The following ZNF626 variants were observed in gnomAD, a reference collection of about 807,000 sequenced individuals.
ZNF626 encodes CTC-513N18.7.
ZNF626 carries 4 observed loss-of-function variants against 11.7 expected under a neutral mutation model. That is an observed-to-expected ratio of 0.34 (90% CI 0.17 to 0.78). The LOEUF is 0.78. Among genes scored for constraint, ZNF626 ranks in the 30% least tolerant of loss-of-function variants. ZNF626 has a pLI of 0.57. For synonymous variants in ZNF626, 179 were observed against 198.6 expected, an observed-to-expected ratio of 0.90 and a Z score of 0.83; for missense variants, 588 against 587.1, an observed-to-expected ratio of 1.00 and a Z score of -0.01.
chr19:20,646,253 A>G, intron 2 of ZNF626, 26 bp downstream of exon 2: 9 of 1,603,404 alleles, frequency 5.6e-6, no homozygotes, highest in Non-Finnish European at 7.7e-6. Flanking sequence ...TCTATAGGGT[A>G]TATTATGTAC....
In ZNF626 at chr19:20,625,647, A is replaced by G. The variant is rs879994438; in HGVS notation, c.230T>C (p.Met77Thr). 3.3e-6 allele frequency: 5 copies of G among 1,529,614 alleles called. No individual in the cohort carries two copies. The Admixed American group carries it at 6.7e-5, about 21-fold the overall frequency. The allele number at this position is 1,529,614 out of a possible 1,614,324, so 94.8% of individuals were successfully genotyped here. The change falls in exon 4 of 4, where the codon ATG becomes ACG. Residue 77 changes from methionine (M) to threonine (T), a missense_variant. Met to Thr is a moderately conservative substitution (Grantham distance 81). Around this residue, in one of 4 missense-constraint regions of ZNF626, gnomAD observed 524 missense variants for 470.1 expected, o/e 1.11. Coordinates refer to ENST00000601440, the MANE Select transcript of ZNF626 (RefSeq NM_001076675.3). ...AAGGTCTTGGGCAAAATGAGAACAC[A>G]TTACTGAAAGAAACAATAAAAACAC... Reference protein sequence around the residue: ...RNEMIAKPSVMCSHFAQDLWP... With the variant: ...RNEMIAKPSVTCSHFAQDLWP...
At chr19:20,652,566 T>C (rs1383226813) in intron 1 of ZNF626, among the ~76,000 whole-genome samples, 2 of 152,236 alleles carry the variant, frequency 1.3e-5, no homozygotes, top group African/African-American at 2.4e-5. Context: ...TGGGATATAG[T>C]GTCCAATGTA....
chr19:20,654,944 C>G (rs1463658581), intron 1 of ZNF626, among the ~76,000 whole-genome samples: 3 of 151,790 alleles, frequency 2.0e-5, no homozygotes, highest in African/African-American at 4.8e-5. Flanking sequence ...TACCCCATCT[C>G]TACTATAAAT....
intron 1 of ZNF626, among the ~76,000 whole-genome samples, chr19:20,650,973 G>C (rs1444781880): frequency 6.6e-6 from 1 of 152,028 alleles, no homozygotes; most frequent in Non-Finnish European, 1.5e-5. Flanking sequence ...TGGATCACGA[G>C]GTCAGGAGTT....
Position 20,625,085 on chromosome 19 carries a change from T to A in ZNF626, c.792A>T (p.Lys264Asn). ...EKPYKCDKCG[K>N]AFMSSSTLSK... ...TAAGGGTTGAGGATGACATAAAGGC[T>A]TTGCCACATTTATCACACTTGTAGG... is the stretch of plus-strand genomic sequence containing the variant. Residue 264 changes from lysine (K) to asparagine (N), a missense_variant, in exon 4 of 4, where the codon AAA becomes AAT. By Grantham distance (94) the Lys-to-Asn change is moderately conservative. Around this residue, in one of 4 missense-constraint regions of ZNF626, gnomAD observed 524 missense variants for 470.1 expected, o/e 1.11. Coordinates refer to ENST00000601440, the MANE Select transcript of ZNF626 (RefSeq NM_001076675.3). 6.2e-7 allele frequency: 1 copy of A among 1,613,568 alleles called. No homozygotes were observed.
At chr19:20,626,921 C>T (rs1220526385) in intron 3 of ZNF626, among the ~76,000 whole-genome samples, 5 of 151,886 alleles carry the variant, frequency 3.3e-5, no homozygotes, top group East Asian at 1.9e-4. Context: ...AGACAGAGGC[C>T]GGAGAATTGC....
intron 1 of ZNF626, among the ~76,000 whole-genome samples, chr19:20,648,359 T>TTTC (rs137973666): frequency 4.1e-4 from 60 of 146,280 alleles, no homozygotes; most frequent in Middle Eastern, 3.4e-3. Flanking sequence ...AAATAAGCAT[T>TTTC]TTCTTCTTCT....
rs782764181 is a variant in ZNF626 at position 20,620,558 on chromosome 19, A to G, written c.*3732T>C. On this transcript the variant is annotated 3_prime_UTR_variant, in exon 4 of 4. Coordinates refer to ENST00000601440, the MANE Select transcript of ZNF626 (RefSeq NM_001076675.3). ...TAATTTTTCAGGACTCAGAAATGTA[A>G]TTTTTTTTCCTTTGAGGAGTCTCAT... The G allele has an allele frequency of 6.6e-6, 1 of 151,872 alleles. No individual in the cohort carries two copies. Among genetic ancestry groups the G allele is most frequent in the Non-Finnish European group, 1.5e-5 (1 of 67,956 alleles). 9.4% of individuals were successfully genotyped at this position (151,872 alleles called of 1,614,324 possible).
At chr19:20,626,096 A>G (rs577040466) in intron 3 of ZNF626, among the ~76,000 whole-genome samples, 227 of 74,332 alleles carry the variant, frequency 3.1e-3, no homozygotes, top group African/African-American at 7.3e-3. Flanking sequence ...TTCAATCTGT[A>G]CTAAAATTAC....
At chr19:20,654,966 G>C (rs1192535053) in intron 1 of ZNF626, among the ~76,000 whole-genome samples, 1 of 151,868 alleles carries the variant, frequency 6.6e-6, no homozygotes, top group Non-Finnish European at 1.5e-5. Flanking sequence ...CAAAAATTCA[G>C]CCAGGCATGG....
At chr19:20,660,492 T>A (rs1378918125) in intron 1 of ZNF626, among the ~76,000 whole-genome samples, 1 of 152,146 alleles carries the variant, frequency 6.6e-6, no homozygotes, top group Non-Finnish European at 1.5e-5. Context: ...GATGATTGGA[T>A]CTCAGCTCAC....
At chr19:20,627,832 G>A (rs9304970) in intron 3 of ZNF626, among the ~76,000 whole-genome samples, 68,281 of 151,880 alleles carry the variant, frequency 0.45, 16,626 homozygotes, top group African/African-American at 0.64. Flanking sequence ...ACAACGTGCA[G>A]GTTTGTTACA....
chr19:20,624,372 ATTCTCTCATGTGTAGTAAGG>A lies in ZNF626; in HGVS notation c.1485_1504del (p.Leu496HisfsTer95). 1.2e-5 allele frequency: 10 copies of A among 816,860 alleles called. 4 individuals are homozygous for A. Among genetic ancestry groups the A allele is most frequent in the South Asian group, 9.1e-5 (5 of 55,102 alleles). 50.6% of individuals were successfully genotyped at this position (816,860 alleles called of 1,614,324 possible). ...ATTTGTAGAATTTCTCTCCAGTATG[ATTCTCTCATGTGTAGTAAGG>A]ATTGAGGACTGGTTGAAGGCTTTGC... On this transcript the variant is annotated frameshift_variant, in exon 4 of 4. Coordinates refer to ENST00000601440, the MANE Select transcript of ZNF626 (RefSeq NM_001076675.3). LOFTEE classifies it low-confidence loss of function (END_TRUNC).
rs538506259 is a variant in ZNF626, at chr19:20,625,503, A to G, written c.374T>C (p.Val125Ala). The part of the protein sequence containing the change: ...KGCISVDECK[V>A]HKEGYNELNQ... ...AAGTTCATTATAACCTTCTTTGTGC[A>G]CCTTACACTCATCCACACTTATACA... Residue 125 changes from valine to alanine, a missense_variant, in exon 4 of 4, where the codon GTG (valine) becomes GCG (alanine). Transcript: ENST00000601440. The G allele has an allele frequency of 1.7e-5, 28 of 1,613,822 alleles. No homozygotes were observed. The highest frequency in any genetic ancestry group is 2.3e-5 in the Non-Finnish European group (27 of 1,179,960).
intron 3 of ZNF626, chr19:20,645,106 A>C: frequency 2.2e-6 from 1 of 453,956 alleles, no homozygotes. Context: ...ACAATTCAAA[A>C]ATTTACATGA....
intron 1 of ZNF626, among the ~76,000 whole-genome samples, chr19:20,657,834 AAAAG>A (rs1245300509): frequency 6.6e-6 from 1 of 152,134 alleles, no homozygotes; most frequent in African/African-American, 2.4e-5. Context: ...ACAAACAAAA[AAAAG>A]AAAATTAATG....
chr19:20,653,605 G>T (rs558974527), intron 1 of ZNF626, among the ~76,000 whole-genome samples: 18 of 148,968 alleles, frequency 1.2e-4, no homozygotes, highest in Non-Finnish European at 2.5e-4. Context: ...CTCCAGCCTG[G>T]GGGACAGAGT....
intron 3 of ZNF626, among the ~76,000 whole-genome samples, chr19:20,629,391 AT>A (rs1555770133): frequency 6.6e-6 from 1 of 152,148 alleles, no homozygotes. Context: ...TATTTTCACG[AT>A]ATTGATTCTT....
chr19:20,623,800 CAA>C lies in ZNF626; in HGVS notation c.*488_*489del, dbSNP rs58402205. On this transcript the variant is annotated 3_prime_UTR_variant, in exon 4 of 4. Transcript: ENST00000601440. Reference sequence around the variant, plus strand: ...GGTGACAAGAGTTGAAACTCCATCTCAAAAAAAAAAAAAAAAAGACAGAACTT... The same window carrying C: ...GGTGACAAGAGTTGAAACTCCATCTCAAAAAAAAAAAAAAAGACAGAACTT... 12,243 of 198,210 alleles carry C rather than the reference CAA, an allele frequency of 0.062. No homozygotes were observed. Among genetic ancestry groups the C allele is most frequent in the South Asian group, 0.11 (1,812 of 16,082 alleles). 12.3% of individuals were successfully genotyped at this position (198,210 alleles called of 1,614,324 possible).
Sources: allele counts gnomAD v4.1 joint callset (sites outside exome capture counted in the v4.1 genomes callset), GRCh38; gene constraint gnomAD v4.1.1; regional missense constraint gnomAD v4.1.1; transcripts MANE v1.5; gene names NCBI Gene and HGNC (gene_info 2026-07-23, HGNC 2026-07-21).